TMEM270: variants seen among roughly 807,000 people sequenced by gnomAD.
TMEM270 encodes the protein Williams-Beuren syndrome chromosome region 28.
TMEM270 carries 30 observed loss-of-function variants against 29.9 expected under a neutral mutation model. The ratio of observed to expected loss-of-function variants is 1.00; its 90% CI spans 0.75 to 1.36. The LOEUF (loss-of-function observed/expected upper bound fraction) is 1.36. TMEM270 is among the 40% of genes most tolerant of loss of function. The pLI is 0.00. For missense variants in TMEM270, 313 were observed against 307.1 expected (o/e 1.02, Z -0.14); for synonymous variants, 135 against 139.8 (o/e 0.97, Z 0.24).
chr7:73,864,818 G>T (rs1165310418), intron 1 of TMEM270, among the ~76,000 whole-genome samples, 175 bp from the exon 2 acceptor site: 1 of 150,842 alleles, frequency 6.6e-6, no homozygotes, highest in Non-Finnish European at 1.5e-5. Context: ...CAGGAGAATC[G>T]CCCGAAACCG....
rs1788870877 is a variant in TMEM270 at position 73,865,062 on chromosome 7, T to A, written c.142T>A (p.Ser48Thr). The A allele has an allele frequency of 6.5e-7, 1 of 1,532,746 alleles. No homozygotes were observed. Among genetic ancestry groups the A allele is most frequent in the Non-Finnish European group, 8.8e-7 (1 of 1,140,666 alleles). The allele number at this position is 1,532,746 out of a possible 1,614,324, so 94.9% of individuals were successfully genotyped here. The change falls in exon 2 of 3, where the codon TCA becomes ACA. Residue 48 changes from serine to threonine, a missense_variant. Physicochemically the swap from Ser to Thr is moderately conservative, Grantham distance 58. Transcript: ENST00000320531. ...GATCAACCTCTTCAACCACTGGGTG[T>A]CAGGGCTGGCCCAGGAGGCCCGGGG... The part of the protein sequence containing the change: ...LKINLFNHWV[S>T]GLAQEARGSC...
At chr7:73,863,158 G>T (rs566513283) in intron 1 of TMEM270, among the ~76,000 whole-genome samples, 4 of 152,218 alleles carry the variant, frequency 2.6e-5, no homozygotes, top group African/African-American at 9.6e-5. Flanking sequence ...AATCCAGCCC[G>T]TGAGTGGGGG....
rs375359234 is a variant in TMEM270 at position 73,865,582 on chromosome 7, G to C, written c.507G>C (p.Leu169Phe). 6.2e-7 allele frequency: 1 copy of C among 1,613,466 alleles called. No individual in the cohort carries two copies. Among genetic ancestry groups the C allele is most frequent in the Non-Finnish European group, 8.5e-7 (1 of 1,179,500 alleles). ...FRLGRQLSKA[L>F]QVNCVVRKLL... ...CATCTGTCTCCCTGTTCCAGGCCTT[G>C]CAAGTGAACTGCGTGGTAAGGAAGC... The change falls in exon 3 of 3, where the codon TTG becomes TTC. Residue 169 changes from leucine (L) to phenylalanine (F), a missense_variant. Physicochemically the swap from Leu to Phe is conservative, Grantham distance 22 (BLOSUM62 0). Coordinates refer to ENST00000320531, the MANE Select transcript of TMEM270 (RefSeq NM_182504.4).
chr7:73,864,014 A>C (rs1350180072), intron 1 of TMEM270, among the ~76,000 whole-genome samples: 3 of 149,206 alleles, frequency 2.0e-5, no homozygotes. Flanking sequence ...ATAGTGGCTC[A>C]TGCCTGCAAT....
At chr7:73,864,604 G>A (rs1191231563) in intron 1 of TMEM270, among the ~76,000 whole-genome samples, 1 of 151,846 alleles carries the variant, frequency 6.6e-6, no homozygotes, top group Non-Finnish European at 1.5e-5. Context: ...CACCTCTACA[G>A]TAAAAGTGGG....
upstream of TMEM270, chr7:73,861,093 C>A: frequency 1.7e-6 from 2 of 1,144,216 alleles, no homozygotes; most frequent in South Asian, 1.2e-5. Context: ...GGCAGTGGGT[C>A]ACTGGCGGCA....
At chr7:73,862,735 C>T (rs1432050341) in intron 1 of TMEM270, among the ~76,000 whole-genome samples, 1 of 151,718 alleles carries the variant, frequency 6.6e-6, no homozygotes, top group African/African-American at 2.4e-5. Flanking sequence ...TGGTGCATGC[C>T]TGTAATCCCA....
chr7:73,861,463 A>C, intron 1 of TMEM270, 197 bp downstream of exon 1: 1 of 652,156 alleles, frequency 1.5e-6, no homozygotes, highest in East Asian at 2.8e-5. Context: ...TCTTTTCTTT[A>C]TTTAGAGACA....
At position 73,861,179 on chromosome 7, in the gene TMEM270, G is replaced by C. The variant is rs111714725; in HGVS notation, c.-16G>C. 3.2e-3 allele frequency: 5,126 copies of C among 1,613,600 alleles called. 85 individuals are homozygous for C. The highest frequency in any genetic ancestry group is 0.03 in the African/African-American group (2,253 of 75,024). On this transcript the variant is annotated 5_prime_UTR_variant, in exon 1 of 3. Transcript: ENST00000320531. ...ACCCTGCTTCTCCCAGCTGGAGTAGGTGGGGGAGGCCAGACATGGAGGCCC... is the reference window on the plus strand; with the variant it reads ...ACCCTGCTTCTCCCAGCTGGAGTAGCTGGGGGAGGCCAGACATGGAGGCCC...
chr7:73,865,801 G>A lies in TMEM270; in HGVS notation c.726G>A (p.Leu242=). The part of the protein sequence containing the change: ...EPQEVSGSSL[L]PSLSASSDSE... ...AGGAGGTCTCAGGGTCTTCCTTGCT[G>A]CCCTCACTGTCTGCGTCCTCGGACT... Residue 242 remains leucine (L), a synonymous_variant, in exon 3 of 3, where the codon CTG becomes CTA. Coordinates refer to ENST00000320531, the MANE Select transcript of TMEM270 (RefSeq NM_182504.4). The A allele has an allele frequency of 3.7e-6, 6 of 1,613,884 alleles. No individual in the cohort carries two copies. The highest frequency in any genetic ancestry group is 5.1e-6 in the Non-Finnish European group (6 of 1,179,996).
intron 1 of TMEM270, among the ~76,000 whole-genome samples, chr7:73,861,944 A>G (rs1401590393): frequency 1.3e-4 from 19 of 148,874 alleles, no homozygotes; most frequent in African/African-American, 4.4e-4. Flanking sequence ...GACTACAGGC[A>G]CGTGCCATCA....
In TMEM270 at chr7:73,865,003, A is replaced by G. The variant is rs1554639721; in HGVS notation, c.83A>G (p.Asn28Ser). The G allele has an allele frequency of 1.3e-6, 2 of 1,502,862 alleles. No individual in the cohort carries two copies. The highest frequency in any genetic ancestry group is 4.6e-5 in the East Asian group (2 of 43,314). The allele number at this position is 1,502,862 out of a possible 1,614,324, so 93.1% of individuals were successfully genotyped here. ...TCTCTTCTTCTGCAGTTGGTTCAGA[A>G]CCGAGATCACCTCTATAATTTCCTG... ...VTRLSVLLVQ[N>S]RDHLYNFLLL... The change falls in exon 2 of 3, where the codon AAC (asparagine) becomes AGC (serine). Residue 28 changes from asparagine (N) to serine (S), a missense_variant. Physicochemically the swap from Asn to Ser is conservative, Grantham distance 46. Transcript: ENST00000320531.
At position 73,865,504 on chromosome 7, in the gene TMEM270, G is replaced by A. The variant is rs1381724694; in HGVS notation, c.502-73G>A. On this transcript the variant is annotated intron_variant, in intron 2 of 2. Transcript: ENST00000320531. ...GGTCAGGGCTGGCTGGGCTTGCAGG[G>A]GGGAGCCACAGCCAAGCAGTGTAAC... The A allele has an allele frequency of 8.9e-6, 14 of 1,579,630 alleles. No individual in the cohort carries two copies. The Admixed American group carries it at 2.4e-4, about 27-fold the overall frequency.
intron 1 of TMEM270, among the ~76,000 whole-genome samples, chr7:73,862,336 G>A (rs999254836): frequency 2.0e-4 from 31 of 151,762 alleles, no homozygotes; most frequent in Non-Finnish European, 3.1e-4. Flanking sequence ...TCAAACTCCT[G>A]ACCTCGTAAT....
In TMEM270 at chr7:73,861,184, G is replaced by A. The variant is rs1554639174; in HGVS notation, c.-11G>A. 2 of 1,613,634 alleles carry A rather than the reference G, an allele frequency of 1.2e-6. No individual in the cohort carries two copies. Among genetic ancestry groups the A allele is most frequent in the African/African-American group, 1.3e-5 (1 of 74,926 alleles). Reference sequence around the variant, plus strand: ...GCTTCTCCCAGCTGGAGTAGGTGGGGGAGGCCAGACATGGAGGCCCTTCCT... The same window carrying A: ...GCTTCTCCCAGCTGGAGTAGGTGGGAGAGGCCAGACATGGAGGCCCTTCCT... On this transcript the variant is annotated 5_prime_UTR_variant, in exon 1 of 3. Coordinates refer to ENST00000320531, the MANE Select transcript of TMEM270 (RefSeq NM_182504.4).
In TMEM270 at chr7:73,865,083, C is replaced by G. The variant is rs118088869; in HGVS notation, c.163C>G (p.Arg55Gly). The G allele has an allele frequency of 1.9e-5, 29 of 1,552,956 alleles. No individual in the cohort carries two copies. The highest frequency in any genetic ancestry group is 2.4e-5 in the Non-Finnish European group (28 of 1,149,566). ...GGTGTCAGGGCTGGCCCAGGAGGCC[C>G]GGGGGTCCTGTAACTGGCAGGCCCA... ...HWVSGLAQEA[R>G]GSCNWQAHLP... Residue 55 changes from arginine to glycine, a missense_variant, in exon 2 of 3, where the codon CGG (arginine) becomes GGG (glycine). Physicochemically the swap from Arg to Gly is moderately radical, Grantham distance 125 (BLOSUM62 -2). Coordinates refer to ENST00000320531, the MANE Select transcript of TMEM270 (RefSeq NM_182504.4).
upstream of TMEM270, chr7:73,861,140 G>A (rs1788765255): frequency 1.3e-6 from 2 of 1,580,512 alleles, no homozygotes. Flanking sequence ...CCACCCTGTG[G>A]CATCTGTGAG....
In TMEM270 at chr7:73,861,184, G is replaced by C; in HGVS notation, c.-11G>C. On this transcript the variant is annotated 5_prime_UTR_variant, in exon 1 of 3. Transcript: ENST00000320531. ...GCTTCTCCCAGCTGGAGTAGGTGGG[G>C]GAGGCCAGACATGGAGGCCCTTCCT... 1.9e-6 allele frequency: 3 copies of C among 1,613,754 alleles called. No homozygotes were observed. The highest frequency in any genetic ancestry group is 2.5e-6 in the Non-Finnish European group (3 of 1,179,798).
chr7:73,862,875 A>G (rs1167587128), intron 1 of TMEM270, among the ~76,000 whole-genome samples: 4 of 128,268 alleles, frequency 3.1e-5, no homozygotes, highest in Non-Finnish European at 7.1e-5. Context: ...TGTCTCAGAA[A>G]AAAAAAAAAA....
Sources: allele counts gnomAD v4.1 joint callset (sites outside exome capture counted in the v4.1 genomes callset), GRCh38; gene constraint gnomAD v4.1.1; transcripts MANE v1.5; gene names NCBI Gene and HGNC (gene_info 2026-07-23, HGNC 2026-07-21).